PPM1L: variants seen among roughly 807,000 people sequenced by gnomAD.
The protein encoded by PPM1L is protein phosphatase 1L.
PPM1L carries 13 observed loss-of-function variants against 31.4 expected under a neutral mutation model. The ratio of observed to expected loss-of-function variants is 0.41; its 90% CI spans 0.27 to 0.66. The LOEUF (loss-of-function observed/expected upper bound fraction) is 0.66. Among genes scored for constraint, PPM1L ranks in the 30% least tolerant of loss-of-function variants. The pLI is 0.29. For synonymous variants in PPM1L, 184 were observed against 175.4 expected (o/e 1.05, Z -0.39); for missense variants, 326 against 453.7 (o/e 0.72, Z 2.56).
chr3:161,045,878 G>T (rs1719045049), intron 2 of PPM1L, among the ~76,000 whole-genome samples: 1 of 152,056 alleles, frequency 6.6e-6, no homozygotes, highest in Non-Finnish European at 1.5e-5. Flanking sequence ...TTGCGAGGCT[G>T]AGGTGGGTGG....
At chr3:161,002,097 G>T (rs1024932129) in intron 2 of PPM1L, among the ~76,000 whole-genome samples, 26 of 150,110 alleles carry the variant, frequency 1.7e-4, no homozygotes, top group African/African-American at 5.6e-4. Context: ...GTTTGGTTTT[G>T]TGTTCTTGCG....
At chr3:160,812,438 T>G (rs1712840914) in intron 1 of PPM1L, among the ~76,000 whole-genome samples, 2 of 152,202 alleles carry the variant, frequency 1.3e-5, no homozygotes, top group South Asian at 4.1e-4. Flanking sequence ...TCAGAAGCAT[T>G]GCATTCTGGG....
intron 1 of PPM1L, among the ~76,000 whole-genome samples, chr3:160,819,358 A>T (rs1355439468): frequency 2.0e-5 from 3 of 152,016 alleles, no homozygotes; most frequent in African/African-American, 7.2e-5. Context: ...CTCTAGACCT[A>T]AGTTTTTGTT....
intron 2 of PPM1L, among the ~76,000 whole-genome samples, chr3:160,965,246 C>CA (rs903460640): frequency 6.1e-4 from 82 of 135,410 alleles, no homozygotes; most frequent in Admixed American, 1.8e-3. Flanking sequence ...GCCTCCATCT[C>CA]AAAAAAAAAA....
chr3:160,773,281 A>G (rs1711501364), intron 1 of PPM1L, among the ~76,000 whole-genome samples: 1 of 152,196 alleles, frequency 6.6e-6, no homozygotes, highest in Non-Finnish European at 1.5e-5. Context: ...TATATTTTAG[A>G]AGATGTCCCT....
chr3:160,910,259 T>TTTCCCCTTCCCC (rs762928108), intron 1 of PPM1L, among the ~76,000 whole-genome samples: 2 of 50,092 alleles, frequency 4.0e-5, no homozygotes, highest in East Asian at 5.9e-4. Context: ...CCCCTTCCCC[T>TTTCCCCTTCCCC]TTCCCCTTCC....
At chr3:161,055,087 G>C (rs1362332032) in intron 2 of PPM1L, among the ~76,000 whole-genome samples, 1 of 152,136 alleles carries the variant, frequency 6.6e-6, no homozygotes, top group Admixed American at 6.5e-5. Flanking sequence ...ATGATGGCCT[G>C]CCTCTCAGTG....
chr3:161,015,155 T>G (rs1273768376), intron 2 of PPM1L, among the ~76,000 whole-genome samples: 2 of 151,920 alleles, frequency 1.3e-5, no homozygotes, highest in Admixed American at 6.6e-5. Flanking sequence ...AGCATCATAA[T>G]ACACATTTCT....
chr3:160,944,767 CAT>C (rs1372874506), intron 1 of PPM1L, among the ~76,000 whole-genome samples: 1 of 48,762 alleles, frequency 2.1e-5, no homozygotes, highest in African/African-American at 4.9e-5. Context: ...TTATATATAA[CAT>C]GTTATATATT....
At position 160,930,656 on chromosome 3, in the gene PPM1L, A is replaced by G. The variant is rs562315551; in HGVS notation, c.400-31080A>G. Among the ~76,000 whole-genome samples, 138 of 152,312 alleles carry G rather than the reference A, an allele frequency of 9.1e-4. 2 individuals carry two copies. The South Asian group carries it at 0.027, about 30-fold the overall frequency. ...ACCAGGCTGAAGCCTCAAAGGAACC[A>G]TCTCAAAATTTTAGGCGGAGTGAAG... On this transcript the variant is annotated intron_variant, in intron 1 of 3. Coordinates refer to ENST00000498165, the MANE Select transcript of PPM1L (RefSeq NM_139245.4).
chr3:161,026,844 A>C (rs1718413402), intron 2 of PPM1L, among the ~76,000 whole-genome samples: 1 of 152,332 alleles, frequency 6.6e-6, no homozygotes, highest in South Asian at 2.1e-4. Context: ...CACATAGGCC[A>C]TGCCAATTGT....
intron 1 of PPM1L, among the ~76,000 whole-genome samples, chr3:160,760,734 T>TA (rs2108054481): frequency 1.3e-5 from 2 of 152,176 alleles, no homozygotes; most frequent in East Asian, 3.9e-4. Context: ...TTTTTTTTTT[T>TA]AATACCATCT....
At chr3:160,804,287 A>T (rs1299893651) in intron 1 of PPM1L, among the ~76,000 whole-genome samples, 1 of 152,116 alleles carries the variant, frequency 6.6e-6, no homozygotes, top group Non-Finnish European at 1.5e-5. Flanking sequence ...CAAAGAAAGG[A>T]TCATTGTTTT....
At chr3:160,959,031 A>G (rs1352226038) in intron 1 of PPM1L, among the ~76,000 whole-genome samples, 2 of 152,222 alleles carry the variant, frequency 1.3e-5, no homozygotes, top group African/African-American at 2.4e-5. Flanking sequence ...ACAATTGCAA[A>G]AATGTGGAAC....
At position 160,910,864 on chromosome 3, in the gene PPM1L, G is replaced by A. The variant is rs1240362069; in HGVS notation, c.400-50872G>A. ...GCAGGCTGCCACAGGTAATCAAGAT[G>A]ATATGCACCATGGTAAACAATTTCT... On this transcript the variant is annotated intron_variant, in intron 1 of 3. Transcript: ENST00000498165. Among the ~76,000 whole-genome samples the A allele has an allele frequency of 2.0e-5, 3 of 152,182 alleles. No homozygotes were observed. The East Asian group carries it at 5.8e-4, about 29-fold the overall frequency.
chr3:160,817,679 T>C (rs981644039), intron 1 of PPM1L, among the ~76,000 whole-genome samples: 14 of 152,042 alleles, frequency 9.2e-5, no homozygotes, highest in African/African-American at 3.1e-4. Context: ...AGTGCCTTAA[T>C]GGACTGAAGG....
chr3:161,047,906 C>A (rs1022092806), intron 2 of PPM1L, among the ~76,000 whole-genome samples: 23 of 152,254 alleles, frequency 1.5e-4, no homozygotes, highest in African/African-American at 5.5e-4. Flanking sequence ...GAAACTGGAT[C>A]CCTCCCTTAC....
intron 2 of PPM1L, among the ~76,000 whole-genome samples, chr3:161,031,159 A>G (rs1450451750): frequency 6.6e-6 from 1 of 152,248 alleles, no homozygotes; most frequent in Non-Finnish European, 1.5e-5. Flanking sequence ...GAGGGCTGGA[A>G]GAATCAGATG....
At chr3:160,947,201 A>G (rs761961767) in intron 1 of PPM1L, among the ~76,000 whole-genome samples, 1 of 152,176 alleles carries the variant, frequency 6.6e-6, no homozygotes, top group African/African-American at 2.4e-5. Flanking sequence ...TTTTCCCCAC[A>G]ACAAATAGAA....
Sources: gnomAD v4.1 joint callset for allele counts (sites outside exome capture counted in the v4.1 genomes callset) on GRCh38, gnomAD v4.1.1 for gene constraint, MANE v1.5 for transcripts, NCBI Gene and HGNC (gene_info 2026-07-23, HGNC 2026-07-21) for gene names.